The following SNTB2 variants were observed in gnomAD, a reference collection of about 807,000 sequenced individuals.
SNTB2 encodes the protein beta-2-syntrophin.
Under a neutral mutation model 46.2 loss-of-function variants are expected in SNTB2, and 34 were observed. The observed-to-expected ratio is 0.74, with a 90% CI of 0.56 to 0.98. The LOEUF is 0.98. SNTB2 is among the 50% of genes least tolerant of loss of function. The pLI, the probability that SNTB2 is intolerant of heterozygous loss-of-function variation, is 0.00. For synonymous variants in SNTB2, 290 were observed against 312.6 expected, an observed-to-expected ratio of 0.93 and a Z score of 0.76; for missense variants, 603 against 731.4, an observed-to-expected ratio of 0.82 and a Z score of 2.02.
At chr16:69,222,770 A>T (rs930166584) in intron 1 of SNTB2, among the ~76,000 whole-genome samples, 11 of 151,894 alleles carry the variant, frequency 7.2e-5, no homozygotes, top group Admixed American at 5.9e-4. Flanking sequence ...ATTTTCTGTG[A>T]TTTGTTATTT....
At chr16:69,222,102 A>G (rs1051876244) in intron 1 of SNTB2, among the ~76,000 whole-genome samples, 2 of 152,230 alleles carry the variant, frequency 1.3e-5, no homozygotes, top group African/African-American at 4.8e-5. Context: ...AGAAAAGCAA[A>G]CTGGTTTTTA....
intron 5 of SNTB2, among the ~76,000 whole-genome samples, chr16:69,299,036 ACTTGC>A (rs1419091772): frequency 2.0e-5 from 3 of 151,850 alleles, no homozygotes; most frequent in African/African-American, 7.3e-5. Flanking sequence ...GCCTACACAC[ACTTGC>A]CAGTATGAGT....
intron 5 of SNTB2, among the ~76,000 whole-genome samples, chr16:69,295,365 T>A (rs28544928): frequency 6.7e-6 from 1 of 148,598 alleles, no homozygotes; most frequent in Admixed American, 6.8e-5. Context: ...TTCTCCTGCC[T>A]CAGCCTCCCG....
chr16:69,187,726 G>A lies in SNTB2; in HGVS notation c.560G>A (p.Gly187Asp). The A allele has an allele frequency of 7.8e-7, 1 of 1,287,430 alleles. No individual in the cohort carries two copies. Among genetic ancestry groups the A allele is most frequent in the Non-Finnish European group, 1.0e-6 (1 of 989,568 alleles). The allele number at this position is 1,287,430 out of a possible 1,614,324, so 79.8% of individuals were successfully genotyped here. A position where few individuals can be genotyped will look rare whatever the true frequency, so the allele number is the denominator to read the frequency against. Residue 187 changes from glycine to aspartate, a missense_variant, in exon 1 of 7, where the codon GGC (glycine) becomes GAC (aspartate). Gly to Asp is a moderately conservative substitution (Grantham distance 94). Coordinates refer to ENST00000336278, the MANE Select transcript of SNTB2 (RefSeq NM_006750.4). ...GCCGTGCAGGCGCTGAAGCGCGCGGGCAAGGAGGTGCTGCTGGAGGGTGAG... is the reference window on the plus strand; with the variant it reads ...GCCGTGCAGGCGCTGAAGCGCGCGGACAAGGAGGTGCTGCTGGAGGGTGAG... ...DQAVQALKRA[G>D]KEVLLEVKFI...
At chr16:69,222,165 T>A (rs1015932629) in intron 1 of SNTB2, among the ~76,000 whole-genome samples, 4 of 152,262 alleles carry the variant, frequency 2.6e-5, no homozygotes, top group African/African-American at 9.6e-5. Flanking sequence ...TACCGCAAGT[T>A]CCTTGCAATA....
At chr16:69,210,467 A>G (rs1350561360) in intron 1 of SNTB2, among the ~76,000 whole-genome samples, 1 of 151,666 alleles carries the variant, frequency 6.6e-6, no homozygotes, top group Non-Finnish European at 1.5e-5. Flanking sequence ...TGAACTCCTG[A>G]TATCAGGCAA....
chr16:69,206,697 G>GA lies in SNTB2; in HGVS notation c.580+18964dup, dbSNP rs77462826. On this transcript the variant is annotated intron_variant, in intron 1 of 6. Coordinates refer to ENST00000336278, the MANE Select transcript of SNTB2 (RefSeq NM_006750.4). ...CAAGAGCAAAACTCCATCTCAGAAA[G>GA]AAAAAAAAAAAAAGAAAATATCTTC... Among the ~76,000 whole-genome samples, 608 of 112,466 alleles carry GA rather than the reference G, an allele frequency of 5.4e-3. 2 individuals carry two copies. Among genetic ancestry groups the GA allele is most frequent in the South Asian group, 0.025 (90 of 3,628 alleles). The allele number at this position is 112,466 out of a possible 152,430, so 73.8% of individuals were successfully genotyped here. A position where few individuals can be genotyped will look rare whatever the true frequency, so the allele number is the denominator to read the frequency against.
intron 1 of SNTB2, among the ~76,000 whole-genome samples, chr16:69,222,831 G>A (rs968781609): frequency 1.3e-5 from 2 of 152,008 alleles, no homozygotes; most frequent in Non-Finnish European, 2.9e-5. Flanking sequence ...GCCCAGGCTG[G>A]AGTGCAGTGG....
chr16:69,207,277 C>T (rs1324494441), intron 1 of SNTB2, among the ~76,000 whole-genome samples: 1 of 151,754 alleles, frequency 6.6e-6, no homozygotes, highest in Non-Finnish European at 1.5e-5. Context: ...CCTCGGCTTC[C>T]CGAGTAGCTT....
At chr16:69,204,621 G>T (rs1018929538) in intron 1 of SNTB2, among the ~76,000 whole-genome samples, 2 of 152,170 alleles carry the variant, frequency 1.3e-5, no homozygotes, top group Non-Finnish European at 2.9e-5. Flanking sequence ...CAACCTAAAT[G>T]AATTGACTGT....
chr16:69,291,375 C>G (rs1408902836), intron 5 of SNTB2, among the ~76,000 whole-genome samples: 1 of 152,132 alleles, frequency 6.6e-6, no homozygotes, highest in Non-Finnish European at 1.5e-5. Context: ...GGTTCTTTAT[C>G]CCTCATGACA....
intron 1 of SNTB2, among the ~76,000 whole-genome samples, chr16:69,196,720 A>G (rs866390076): frequency 4.6e-5 from 7 of 152,280 alleles, no homozygotes; most frequent in Middle Eastern, 6.8e-3. Flanking sequence ...CATCATCCCC[A>G]TATAAAATAT....
At position 69,192,395 on chromosome 16, in the gene SNTB2, G is replaced by A. The variant is rs530251070; in HGVS notation, c.580+4649G>A. 6.4e-4 allele frequency among the ~76,000 whole-genome samples: 97 copies of A among 152,318 alleles called. 1 individual carries two copies. Among genetic ancestry groups the A allele is most frequent in the Admixed American group, 1.9e-3 (29 of 15,302 alleles). On this transcript the variant is annotated intron_variant, in intron 1 of 6. Coordinates refer to ENST00000336278, the MANE Select transcript of SNTB2 (RefSeq NM_006750.4). ...ATACTTACAGAGAATCTTCTGCAGTGAGTTTATCAGTGGAAAAGTGAAATA... is the reference window on the plus strand; with the variant it reads ...ATACTTACAGAGAATCTTCTGCAGTAAGTTTATCAGTGGAAAAGTGAAATA...
chr16:69,204,591 A>G (rs1312535961), intron 1 of SNTB2, among the ~76,000 whole-genome samples: 1 of 152,228 alleles, frequency 6.6e-6, no homozygotes, highest in Non-Finnish European at 1.5e-5. Context: ...TGGAAAGAAA[A>G]GATCTCAAGT....
chr16:69,265,032 A>G (rs13334899), intron 3 of SNTB2, among the ~76,000 whole-genome samples: 40,334 of 151,756 alleles, frequency 0.27, 5,852 homozygotes, highest in African/African-American at 0.36. Flanking sequence ...GGTGGATCAC[A>G]AGGTCGGGAG....
chr16:69,218,302 A>G, intron 1 of SNTB2, among the ~76,000 whole-genome samples: 1 of 152,208 alleles, frequency 6.6e-6, no homozygotes, highest in Non-Finnish European at 1.5e-5. Flanking sequence ...GTATTAACTT[A>G]ATATTACTTG....
chr16:69,236,393 A>G (rs1964560983), intron 1 of SNTB2, among the ~76,000 whole-genome samples: 1 of 152,232 alleles, frequency 6.6e-6, no homozygotes, highest in Non-Finnish European at 1.5e-5. Context: ...AGAGGCCAGT[A>G]CAGATACAAA....
intron 2 of SNTB2, among the ~76,000 whole-genome samples, chr16:69,256,290 G>A (rs112247334): frequency 6.6e-6 from 1 of 152,114 alleles, no homozygotes; most frequent in Admixed American, 6.5e-5. Flanking sequence ...CAAAGTGTTG[G>A]GATTACAGGC....
intron 1 of SNTB2, 58 bp from the exon 2 acceptor site, chr16:69,245,544 A>G: frequency 1.3e-6 from 2 of 1,497,178 alleles, no homozygotes; most frequent in Middle Eastern, 1.7e-4. Flanking sequence ...TACTTTAGTT[A>G]TCATTTATTA....
Sources: allele counts gnomAD v4.1 joint callset (sites outside exome capture counted in the v4.1 genomes callset), GRCh38; gene constraint gnomAD v4.1.1; transcripts MANE v1.5; gene names NCBI Gene and HGNC (gene_info 2026-07-23, HGNC 2026-07-21).